ALDH9A1: variants seen among roughly 807,000 people sequenced by gnomAD.
The protein encoded by ALDH9A1 is 4-trimethylaminobutyraldehyde dehydrogenase.
ALDH9A1 carries 42 observed loss-of-function variants against 56.6 expected under a neutral mutation model. The observed-to-expected ratio is 0.74, with a 90% CI of 0.58 to 0.96. The LOEUF (loss-of-function observed/expected upper bound fraction) is 0.96, where lower values mean the gene tolerates loss of function less well. ALDH9A1 is among the 40% of genes least tolerant of loss of function. The probability of loss-of-function intolerance (pLI) is 0.00; values close to 1 mark genes in which losing one functional copy is unlikely to be tolerated. For missense variants in ALDH9A1, 661 were observed against 651.5 expected (o/e 1.01, Z -0.16); for synonymous variants, 242 against 236.0 (o/e 1.03, Z -0.23).
chr1:165,680,535 G>A lies in ALDH9A1; in HGVS notation c.741C>T (p.Pro247=), dbSNP rs371323880. 2.9e-5 allele frequency: 47 copies of A among 1,614,136 alleles called. No homozygotes were observed. The highest frequency in any genetic ancestry group is 1.9e-4 in the South Asian group (17 of 91,080). The change falls in exon 5 of 11, where the codon CCC becomes CCT. Residue 247 remains proline, a synonymous_variant. Transcript: ENST00000354775. ...CAGTGAAGGAGACTTTGGCCACATC[G>A]GGATGCTGACACAGAAACTGGCCTG... is the stretch of plus-strand genomic sequence containing the variant. ...AATGQFLCQH[P]DVAKVSFTGS... is the part of the protein sequence containing the mutation.
At chr1:165,669,548 G>T in intron 6 of ALDH9A1, 98 bp from the exon 7 acceptor site, 1 of 1,053,638 alleles carries the variant, frequency 9.5e-7, no homozygotes, top group Non-Finnish European at 1.3e-6. Flanking sequence ...ACTGAAAAGA[G>T]ACACTATACA....
chr1:165,693,324 AGGGT>A (rs1182274012), intron 2 of ALDH9A1, among the ~76,000 whole-genome samples: 1 of 152,192 alleles, frequency 6.6e-6, no homozygotes, highest in Non-Finnish European at 1.5e-5. Context: ...CATCTGACAG[AGGGT>A]TAATATCCAG....
chr1:165,676,781 C>G, intron 6 of ALDH9A1: 1 of 487,586 alleles, frequency 2.1e-6, no homozygotes, highest in South Asian at 1.7e-5. Flanking sequence ...GAATTCATGG[C>G]ATGATAGGTA....
intron 10 of ALDH9A1, 25 bp from the exon 11 acceptor site, chr1:165,663,169 T>C (rs1450376954): frequency 1.3e-6 from 2 of 1,583,360 alleles, no homozygotes; most frequent in African/African-American, 1.3e-5. Context: ...AGGGGTCAGG[T>C]TGAGCCATCA....
intron 10 of ALDH9A1, 35 bp from the exon 11 acceptor site, chr1:165,663,179 A>C: frequency 6.5e-7 from 1 of 1,537,950 alleles, no homozygotes; most frequent in East Asian, 2.2e-5. Context: ...TTGAGCCATC[A>C]CTACAATAGT....
chr1:165,684,171 C>T (rs1649639945), intron 2 of ALDH9A1, among the ~76,000 whole-genome samples: 1 of 152,168 alleles, frequency 6.6e-6, no homozygotes, highest in African/African-American at 2.4e-5. Flanking sequence ...CGCTGTATTT[C>T]TTATAAAGGC....
In ALDH9A1 at chr1:165,698,538, C is replaced by A; in HGVS notation, c.21G>T (p.Leu7=). The change falls in exon 1 of 11, where the codon CTG becomes CTT. Residue 7 remains leucine, a synonymous_variant. Transcript: ENST00000354775. MFLRAG[L]AALSPLLRSL... ...TGCGAAGAAGCGGGGAGAGCGCGGC[C>A]AGGCCTGCTCGGAGAAACATGAGTG... 1 of 1,608,258 alleles carries A rather than the reference C, an allele frequency of 6.2e-7. No individual in the cohort carries two copies.
chr1:165,670,612 T>C (rs898115450), intron 6 of ALDH9A1, among the ~76,000 whole-genome samples: 10 of 152,012 alleles, frequency 6.6e-5, no homozygotes, highest in Admixed American at 2.0e-4. Context: ...CATTAAAAAA[T>C]TGGAATAAAA....
At position 165,667,208 on chromosome 1, in the gene ALDH9A1, T is replaced by C. The variant is rs1272590251; in HGVS notation, c.1349+101A>G. The C allele has an allele frequency of 3.3e-5, 49 of 1,477,672 alleles. 2 individuals carry two copies. The South Asian group carries it at 5.8e-4, about 18-fold the overall frequency. The allele number at this position is 1,477,672 out of a possible 1,614,324, so 91.5% of individuals were successfully genotyped here. ...AAACAGAAAGTGCTGATGGCTCCTA[T>C]GAGGGCAAACTAAAGTGAGAGAATA... On this transcript the variant is annotated intron_variant, in intron 9 of 10. Coordinates refer to ENST00000354775, the MANE Select transcript of ALDH9A1 (RefSeq NM_000696.4).
At chr1:165,696,024 G>A (rs1411184739) in intron 1 of ALDH9A1, among the ~76,000 whole-genome samples, 1 of 151,848 alleles carries the variant, frequency 6.6e-6, no homozygotes, top group African/African-American at 2.4e-5. Context: ...GCTAATTTTT[G>A]TATTTTTAGT....
At chr1:165,670,663 TA>T (rs1024987911) in intron 6 of ALDH9A1, among the ~76,000 whole-genome samples, 6 of 152,210 alleles carry the variant, frequency 3.9e-5, no homozygotes, top group African/African-American at 1.4e-4. Flanking sequence ...CTATCATCAC[TA>T]ATTTTAAAAA....
chr1:165,667,221 A>C (rs767221178), intron 9 of ALDH9A1, 88 bp downstream of exon 9: 1 of 1,528,968 alleles, frequency 6.5e-7, no homozygotes, highest in Non-Finnish European at 8.9e-7. Flanking sequence ...GGGCAAACTA[A>C]AGTGAGAGAA....
intron 10 of ALDH9A1, 119 bp downstream of exon 10, chr1:165,664,899 C>A: frequency 4.0e-6 from 3 of 757,028 alleles, no homozygotes; most frequent in Non-Finnish European, 6.7e-6. Flanking sequence ...GGACCAGGAA[C>A]CTGTATTTCC....
At chr1:165,669,111 C>A in intron 7 of ALDH9A1, 98 bp from the exon 8 acceptor site, 1 of 1,334,736 alleles carries the variant, frequency 7.5e-7, no homozygotes, top group South Asian at 1.4e-5. Flanking sequence ...ATAGTCTTCC[C>A]AGTGCAGGTA....
At chr1:165,669,531 A>AAG (rs1649112106) in intron 6 of ALDH9A1, 81 bp from the exon 7 acceptor site, 1 of 1,255,746 alleles carries the variant, frequency 8.0e-7, no homozygotes, top group Non-Finnish European at 1.1e-6. Flanking sequence ...CAATCTAAAA[A>AAG]CTTTAAACTG....
In ALDH9A1 at chr1:165,663,001, T is replaced by TCACATCATTC; in HGVS notation, c.*39_*48dup. The TCACATCATTC allele has an allele frequency of 6.6e-7, 1 of 1,522,266 alleles. No homozygotes were observed. The highest frequency in any genetic ancestry group is 1.1e-5 in the South Asian group (1 of 89,196). 94.3% of individuals were successfully genotyped at this position (1,522,266 alleles called of 1,614,324 possible). A position where few individuals can be genotyped will look rare whatever the true frequency, so the allele number is the denominator to read the frequency against. The stretch of plus-strand genomic sequence containing the variant: ...TACTGCCTCTGTAAACAGGGCCAAT[T>TCACATCATTC]CACATCATTCCACAGCGTGGCCATG... On this transcript the variant is annotated 3_prime_UTR_variant, in exon 11 of 11. Coordinates refer to ENST00000354775, the MANE Select transcript of ALDH9A1 (RefSeq NM_000696.4).
At chr1:165,682,066 TGAACGAATGGCTCTCAAATG>T in intron 4 of ALDH9A1, 21 bp downstream of exon 4, 1 of 1,609,754 alleles carries the variant, frequency 6.2e-7, no homozygotes, top group Non-Finnish European at 8.5e-7. Flanking sequence ...AACGAGAGAA[TGAACGAATGGCTCTCAAATG>T]GAGGGATAAT....
chr1:165,672,804 C>T (rs951481759), intron 6 of ALDH9A1, among the ~76,000 whole-genome samples: 1 of 151,590 alleles, frequency 6.6e-6, no homozygotes, highest in South Asian at 2.1e-4. Context: ...AGGCATGGTG[C>T]CACATGCCTA....
intron 2 of ALDH9A1, among the ~76,000 whole-genome samples, chr1:165,688,727 G>T (rs1376365652): frequency 1.3e-5 from 2 of 152,118 alleles, no homozygotes; most frequent in East Asian, 3.9e-4. Context: ...AAGAACTGCA[G>T]ATCTTGATTA....
Sources: allele counts gnomAD v4.1 joint callset (sites outside exome capture counted in the v4.1 genomes callset), GRCh38; gene constraint gnomAD v4.1.1; transcripts MANE v1.5; gene names NCBI Gene and HGNC (gene_info 2026-07-23, HGNC 2026-07-21).